The following ANKS1B variants were observed in gnomAD, a reference collection of about 807,000 sequenced individuals.
ANKS1B encodes ankyrin repeat and sterile alpha motif domain containing 1B, also known as ankyrin repeat and sterile alpha motif domain-containing protein 1B.
In ANKS1B, 36 loss-of-function variants were observed where a neutral mutation model predicts 148.3. That is an observed-to-expected ratio of 0.24 (90% CI 0.19 to 0.32). The LOEUF (loss-of-function observed/expected upper bound fraction) is 0.32. Ranked by LOEUF, ANKS1B falls within the 10% of genes least tolerant of loss-of-function variation. ANKS1B has a pLI of 1.00. For synonymous variants in ANKS1B, 542 were observed against 560.8 expected (o/e 0.97, Z 0.47); for missense variants, 1,157 against 1,542.6 (o/e 0.75, Z 4.19).
chr12:99,160,504 AT>A (rs3077550), intron 14 of ANKS1B, among the ~76,000 whole-genome samples: 31,336 of 136,526 alleles, frequency 0.23, 3,909 homozygotes, highest in African/African-American at 0.38. Flanking sequence ...ACACCAGGCT[AT>A]TTTTTTTTTT....
At chr12:99,505,651 T>A (rs889927659) in intron 9 of ANKS1B, among the ~76,000 whole-genome samples, 1 of 148,498 alleles carries the variant, frequency 6.7e-6, no homozygotes, top group Non-Finnish European at 1.5e-5. Flanking sequence ...TATGTATATA[T>A]ATATAATGTG....
intron 12 of ANKS1B, among the ~76,000 whole-genome samples, chr12:99,314,168 T>C (rs999060972): frequency 1.3e-5 from 2 of 152,106 alleles, no homozygotes; most frequent in African/African-American, 2.4e-5. Context: ...CCATTCACAA[T>C]TGCTACAAAG....
At chr12:98,759,498 G>T (rs1251358503) in intron 25 of ANKS1B, among the ~76,000 whole-genome samples, 1 of 152,120 alleles carries the variant, frequency 6.6e-6, no homozygotes, top group Non-Finnish European at 1.5e-5. Context: ...ATATTCATCG[G>T]TCTAGTATGA....
intron 17 of ANKS1B, among the ~76,000 whole-genome samples, chr12:98,981,295 G>T (rs138419322): frequency 1.3e-5 from 2 of 151,926 alleles, no homozygotes; most frequent in Admixed American, 1.3e-4. Context: ...ACACCACTAT[G>T]CCCGGCTATT....
chr12:99,286,731 G>C (rs1332811185), intron 12 of ANKS1B, among the ~76,000 whole-genome samples: 1 of 152,192 alleles, frequency 6.6e-6, no homozygotes. Context: ...TGACTGAAGA[G>C]TCCTTGGGCC....
chr12:99,423,786 G>A (rs1436438412), intron 11 of ANKS1B, among the ~76,000 whole-genome samples: 1 of 152,124 alleles, frequency 6.6e-6, no homozygotes, highest in Non-Finnish European at 1.5e-5. Context: ...GAGCTAAATG[G>A]TGAGAACATG....
At chr12:99,751,755 T>C (rs1046991857) in intron 8 of ANKS1B, among the ~76,000 whole-genome samples, 2 of 152,102 alleles carry the variant, frequency 1.3e-5, no homozygotes, top group Admixed American at 6.6e-5. Flanking sequence ...TCAGAATTTA[T>C]AACTACTTAC....
chr12:99,851,022 A>G (rs895491375), intron 1 of ANKS1B, among the ~76,000 whole-genome samples: 8 of 152,106 alleles, frequency 5.3e-5, no homozygotes, highest in Non-Finnish European at 1.0e-4. Context: ...TTCTAAGCAT[A>G]AGTTTTAGAT....
intron 1 of ANKS1B, among the ~76,000 whole-genome samples, chr12:99,951,712 CG>C (rs1255932920): frequency 2.5e-4 from 22 of 88,964 alleles, no homozygotes; most frequent in African/African-American, 1.1e-3. Context: ...TTGCCTCTAC[CG>C]AAAAAAAAAA....
intron 17 of ANKS1B, among the ~76,000 whole-genome samples, chr12:98,866,955 T>C (rs1255849982): frequency 6.6e-6 from 1 of 152,226 alleles, no homozygotes; most frequent in African/African-American, 2.4e-5. Context: ...CTTGGAGCCT[T>C]ACTTGATACA....
chr12:98,755,241 C>T (rs531766282), intron 25 of ANKS1B, among the ~76,000 whole-genome samples: 29 of 152,268 alleles, frequency 1.9e-4, no homozygotes, highest in African/African-American at 4.6e-4. Context: ...CCATCTGAAA[C>T]GGGAGGAGAG....
intron 8 of ANKS1B, among the ~76,000 whole-genome samples, chr12:99,672,394 A>G (rs1213604899): frequency 6.6e-6 from 1 of 152,118 alleles, no homozygotes; most frequent in Non-Finnish European, 1.5e-5. Context: ...TCCCTTTCAA[A>G]TACACGTAAC....
Position 99,825,391 on chromosome 12 carries a change from T to C in ANKS1B, c.135-2A>G. The C allele has an allele frequency of 6.2e-7, 1 of 1,608,296 alleles. No individual in the cohort carries two copies. ...TTCACATTGGGGCCTCGCCAGATGC[T>C]GCAAATAAAGCACAAGCGCAGAGTT... On this transcript the variant is annotated splice_acceptor_variant, in intron 1 of 26. Transcript: ENST00000683438. LOFTEE classifies it high-confidence loss of function.
chr12:99,290,460 A>G (rs1243570065), intron 12 of ANKS1B, among the ~76,000 whole-genome samples: 1 of 152,010 alleles, frequency 6.6e-6, no homozygotes, highest in Non-Finnish European at 1.5e-5. Context: ...GACACATCAC[A>G]AAAAGAAAAC....
chr12:99,560,847 T>C (rs866113965), intron 9 of ANKS1B, among the ~76,000 whole-genome samples: 15,666 of 121,080 alleles, frequency 0.13, 689 homozygotes, highest in Non-Finnish European at 0.16. Flanking sequence ...TTTCTTTTTT[T>C]TTTTTTTTTT....
chr12:99,090,140 T>C (rs544334848), intron 15 of ANKS1B, among the ~76,000 whole-genome samples: 2 of 152,264 alleles, frequency 1.3e-5, no homozygotes, highest in South Asian at 2.1e-4. Flanking sequence ...GATGCCCAAA[T>C]AGAATGAAAA....
chr12:99,624,861 G>C (rs2098094073), intron 9 of ANKS1B, among the ~76,000 whole-genome samples: 1 of 152,042 alleles, frequency 6.6e-6, no homozygotes, highest in African/African-American at 2.4e-5. Flanking sequence ...ACTAAAAATA[G>C]AGCTACCATT....
chr12:98,902,180 G>T (rs1189073525), intron 17 of ANKS1B, among the ~76,000 whole-genome samples: 1 of 152,166 alleles, frequency 6.6e-6, no homozygotes, highest in East Asian at 1.9e-4. Flanking sequence ...AAAACCTAGG[G>T]ACTTCTTTTG....
intron 12 of ANKS1B, among the ~76,000 whole-genome samples, chr12:99,382,563 T>C (rs1430641334): frequency 6.6e-6 from 1 of 151,994 alleles, no homozygotes; most frequent in Non-Finnish European, 1.5e-5. Context: ...CCGTTCATAG[T>C]GGCACATGCC....
Sources: gnomAD v4.1 joint callset for allele counts (sites outside exome capture counted in the v4.1 genomes callset) on GRCh38, gnomAD v4.1.1 for gene constraint, MANE v1.5 for transcripts, NCBI Gene and HGNC (gene_info 2026-07-23, HGNC 2026-07-21) for gene names.